Variants in RHOQ observed in about 807,000 individuals in gnomAD.
The protein encoded by RHOQ is rho-related GTP-binding protein RhoQ.
Under a neutral mutation model 25.8 loss-of-function variants are expected in RHOQ, and 7 were observed. That is an observed-to-expected ratio of 0.27 (90% CI 0.15 to 0.51). The LOEUF (loss-of-function observed/expected upper bound fraction) is 0.51. Among genes scored for constraint, RHOQ ranks in the 20% least tolerant of loss-of-function variants. The probability of loss-of-function intolerance (pLI) is 0.97; values close to 1 mark genes in which losing one functional copy is unlikely to be tolerated. For synonymous variants in RHOQ, 97 were observed against 98.6 expected, an observed-to-expected ratio of 0.98 and a Z score of 0.10; for missense variants, 165 against 260.6, an observed-to-expected ratio of 0.63 and a Z score of 2.53.
intron 2 of RHOQ, among the ~76,000 whole-genome samples, chr2:46,564,405 T>C (rs187980556): frequency 2.5e-4 from 38 of 152,182 alleles, no homozygotes; most frequent in African/African-American, 4.3e-4. Flanking sequence ...TTCCAAAACA[T>C]TTTCATCTCC....
At chr2:46,571,452 ATACT>A (rs1668912326) in intron 2 of RHOQ, among the ~76,000 whole-genome samples, 2 of 152,200 alleles carry the variant, frequency 1.3e-5, no homozygotes, top group African/African-American at 4.8e-5. Flanking sequence ...TAACATATAG[ATACT>A]TAATGAGAGA....
chr2:46,554,607 C>T (rs992509196), intron 2 of RHOQ, among the ~76,000 whole-genome samples: 5 of 152,102 alleles, frequency 3.3e-5, no homozygotes, highest in African/African-American at 1.2e-4. Flanking sequence ...GACGTCCTTT[C>T]TGTGTTAACA....
chr2:46,575,438 CACACAATT>C (rs1261968633), intron 2 of RHOQ, among the ~76,000 whole-genome samples: 2 of 141,978 alleles, frequency 1.4e-5, no homozygotes, highest in African/African-American at 5.7e-5. Flanking sequence ...CACACACACA[CACACAATT>C]AATAAAACTA....
chr2:46,564,922 A>G (rs1033449629), intron 2 of RHOQ, among the ~76,000 whole-genome samples: 4 of 152,230 alleles, frequency 2.6e-5, no homozygotes, highest in Admixed American at 2.6e-4. Context: ...CCTGGTGGTG[A>G]TAACAGCAAA....
rs539962361 is a variant in RHOQ at position 46,583,295 on chromosome 2, C to A, written c.*2212C>A. ...CAAACTGGTGTCACCTGTTTCTTGA[C>A]TGGGATTTGGTTTCCTCATTATAAA... On this transcript the variant is annotated 3_prime_UTR_variant, in exon 5 of 5. Coordinates refer to ENST00000238738, the MANE Select transcript of RHOQ (RefSeq NM_012249.4). Among the ~76,000 whole-genome samples the A allele has an allele frequency of 2.1e-4, 32 of 152,256 alleles. No individual in the cohort carries two copies. The highest frequency in any genetic ancestry group is 7.7e-4 in the African/African-American group (32 of 41,558).
intron 2 of RHOQ, 87 bp from the exon 3 acceptor site, chr2:46,576,000 G>A (rs771141629): frequency 2.4e-5 from 27 of 1,128,752 alleles, no homozygotes; most frequent in South Asian, 1.7e-4. Flanking sequence ...TCCTGAATTT[G>A]CATCTTTGAC....
chr2:46,542,701 C>G lies in RHOQ; in HGVS notation c.-346C>G, dbSNP rs888633488. The G allele has an allele frequency of 6.8e-6, 1 of 146,810 alleles. No individual in the cohort carries two copies. Among genetic ancestry groups the G allele is most frequent in the East Asian group, 2.0e-4 (1 of 5,126 alleles). The allele number at this position is 146,810 out of a possible 1,614,324, so 9.1% of individuals were successfully genotyped here. Reference sequence around the variant, plus strand: ...GGCCCCTCCCCTCCGCCGCCCTCCCCAAAGTTGCCGTCTCCCCCGGGGCCG... The same window carrying G: ...GGCCCCTCCCCTCCGCCGCCCTCCCGAAAGTTGCCGTCTCCCCCGGGGCCG... On this transcript the variant is annotated 5_prime_UTR_variant, in exon 1 of 5. Coordinates refer to ENST00000238738, the MANE Select transcript of RHOQ (RefSeq NM_012249.4).
At chr2:46,578,748 CCT>C (rs1159350783) in intron 4 of RHOQ, among the ~76,000 whole-genome samples, 1 of 151,320 alleles carries the variant, frequency 6.6e-6, no homozygotes, top group Non-Finnish European at 1.5e-5. Context: ...AGAGTGAGAC[CCT>C]GTCTCAAAAT....
chr2:46,580,895 T>G (rs1206277265), intron 4 of RHOQ, 33 bp from the exon 5 acceptor site: 1 of 1,434,746 alleles, frequency 7.0e-7, no homozygotes, highest in African/African-American at 1.5e-5. Context: ...AAACATGATC[T>G]TATATATTTG....
At chr2:46,557,527 A>G (rs1222753754) in intron 2 of RHOQ, among the ~76,000 whole-genome samples, 1 of 152,180 alleles carries the variant, frequency 6.6e-6, no homozygotes, top group Admixed American at 6.5e-5. Context: ...AGGAAAAATC[A>G]GAACAAAATA....
intron 1 of RHOQ, 197 bp downstream of exon 1, chr2:46,543,385 A>C (rs1170780668): frequency 1.6e-5 from 8 of 499,080 alleles, no homozygotes; most frequent in African/African-American, 6.3e-5. Context: ...CCCCTCTCCC[A>C]CCCGCCCCCT....
At position 46,543,796 on chromosome 2, in the gene RHOQ, A is replaced by G. The variant is rs769613367; in HGVS notation, c.185A>G (p.Tyr62Cys). ...GGCAAGCAGTACCTCCTAGGACTCT[A>G]TGACACGGCCGGACAGGTGAGTGTC... Reference protein sequence around the residue: ...VGGKQYLLGLYDTAGQEDYDR... With the variant: ...VGGKQYLLGLCDTAGQEDYDR... The change falls in exon 2 of 5, where the codon TAT (tyrosine) becomes TGT (cysteine). Residue 62 changes from tyrosine (Y) to cysteine (C), a missense_variant. Coordinates refer to ENST00000238738, the MANE Select transcript of RHOQ (RefSeq NM_012249.4). 8.1e-6 allele frequency: 13 copies of G among 1,613,634 alleles called. No individual in the cohort carries two copies. Among genetic ancestry groups the G allele is most frequent in the Non-Finnish European group, 9.3e-6 (11 of 1,179,802 alleles).
intron 2 of RHOQ, among the ~76,000 whole-genome samples, chr2:46,546,850 G>A (rs554470097): frequency 3.1e-4 from 47 of 152,188 alleles, no homozygotes; most frequent in Admixed American, 4.6e-4. Flanking sequence ...ACAGTATATT[G>A]TGCCTGGAGT....
At chr2:46,546,474 G>GTATA (rs1467866624) in intron 2 of RHOQ, among the ~76,000 whole-genome samples, 69 of 16,948 alleles carry the variant, frequency 4.1e-3, no homozygotes, top group South Asian at 9.2e-3. Flanking sequence ...ATATATATAT[G>GTATA]TGTATATATA....
At chr2:46,558,083 C>G (rs1194999822) in intron 2 of RHOQ, among the ~76,000 whole-genome samples, 6 of 152,310 alleles carry the variant, frequency 3.9e-5, no homozygotes, top group African/African-American at 1.4e-4. Flanking sequence ...ATGCAAAATT[C>G]ACCCTCCCAT....
chr2:46,572,786 A>C (rs1202292372), intron 2 of RHOQ: 2 of 453,980 alleles, frequency 4.4e-6, no homozygotes, highest in Non-Finnish European at 8.9e-6. Flanking sequence ...ATCTTTTAAA[A>C]GTAAGGGCAG....
intron 2 of RHOQ, among the ~76,000 whole-genome samples, chr2:46,546,521 T>C (rs1239762666): frequency 5.2e-5 from 4 of 76,370 alleles, no homozygotes; most frequent in South Asian, 5.3e-4. Flanking sequence ...TGTATATACA[T>C]ATATATATAT....
rs764468225 is a variant in RHOQ, at chr2:46,581,435, C to A, written c.*352C>A. ...TTTGACCATACACATTTCTGCCCAG[C>A]CCTTACAGAATCTGCACAAAGAAAT... On this transcript the variant is annotated 3_prime_UTR_variant, in exon 5 of 5. Coordinates refer to ENST00000238738, the MANE Select transcript of RHOQ (RefSeq NM_012249.4). 2 of 1,592,422 alleles carry A rather than the reference C, an allele frequency of 1.3e-6. No homozygotes were observed. Among genetic ancestry groups the A allele is most frequent in the Non-Finnish European group, 1.7e-6 (2 of 1,169,408 alleles).
At chr2:46,547,629 C>G (rs1306586342) in intron 2 of RHOQ, among the ~76,000 whole-genome samples, 1 of 152,190 alleles carries the variant, frequency 6.6e-6, no homozygotes, top group African/African-American at 2.4e-5. Context: ...GGAAGTTGAC[C>G]GAGGCATCTT....
Sources: allele counts gnomAD v4.1 joint callset (sites outside exome capture counted in the v4.1 genomes callset), GRCh38; gene constraint gnomAD v4.1.1; transcripts MANE v1.5; gene names NCBI Gene and HGNC (gene_info 2026-07-23, HGNC 2026-07-21).